The following SGCD variants were observed in gnomAD, a reference collection of about 807,000 sequenced individuals.
SGCD encodes the protein delta-sarcoglycan.
Under a neutral mutation model 36.6 loss-of-function variants are expected in SGCD, and 18 were observed. The observed-to-expected ratio is 0.49, with a 90% CI of 0.34 to 0.73. SGCD has a LOEUF of 0.73. Among genes scored for constraint, SGCD ranks in the 30% least tolerant of loss-of-function variants. The pLI is 0.01. For synonymous variants in SGCD, 133 were observed against 130.6 expected (o/e 1.02, Z -0.12); for missense variants, 387 against 346.7 (o/e 1.12, Z -0.92).
chr5:156,450,498 C>T (rs1753959233), intron 3 of SGCD, among the ~76,000 whole-genome samples: 1 of 146,362 alleles, frequency 6.8e-6, no homozygotes, highest in Admixed American at 6.8e-5. Flanking sequence ...GTAAATAAAC[C>T]AGAACAAGAA....
At chr5:155,774,707 A>G in the SGCD span, among the ~76,000 whole-genome samples, 4 of 152,062 alleles carry the variant, frequency 2.6e-5, no homozygotes, top group Non-Finnish European at 5.9e-5. Context: ...CCCCTGTGAT[A>G]GGCACTCTTG....
chr5:155,968,130 A>C (rs1310729911), intron 1 of SGCD, among the ~76,000 whole-genome samples: 2 of 152,102 alleles, frequency 1.3e-5, no homozygotes, highest in Non-Finnish European at 2.9e-5. Context: ...TCACTTTCTC[A>C]GAATTAAGCA....
At chr5:156,294,259 T>C (rs1323221597) in intron 3 of SGCD, among the ~76,000 whole-genome samples, 1 of 152,166 alleles carries the variant, frequency 6.6e-6, no homozygotes, top group Non-Finnish European at 1.5e-5. Flanking sequence ...TTTCTACATA[T>C]AAATTATATT....
At chr5:156,194,414 T>A (rs900701009) in intron 3 of SGCD, among the ~76,000 whole-genome samples, 1 of 152,002 alleles carries the variant, frequency 6.6e-6, no homozygotes, top group African/African-American at 2.4e-5. Context: ...GAAAAAATAC[T>A]GTGTAAAAAG....
intron 3 of SGCD, among the ~76,000 whole-genome samples, chr5:156,209,423 T>A (rs1410803575): frequency 6.6e-6 from 1 of 152,150 alleles, no homozygotes; most frequent in East Asian, 1.9e-4. Context: ...TACTCTAGGT[T>A]ACAGATCAGG....
At chr5:155,923,067 T>A (rs1176521043) in intron 1 of SGCD, among the ~76,000 whole-genome samples, 2 of 152,154 alleles carry the variant, frequency 1.3e-5, no homozygotes, top group African/African-American at 4.8e-5. Context: ...ACAGCATATA[T>A]CCTTGATATG....
chr5:156,030,357 A>G (rs1759319078), intron 1 of SGCD, among the ~76,000 whole-genome samples: 1 of 152,168 alleles, frequency 6.6e-6, no homozygotes, highest in Non-Finnish European at 1.5e-5. Context: ...TGGCTTAATA[A>G]TGTTCTTATA....
chr5:155,730,445 CTGTGTGTGTGTGTGTG>C, the SGCD span, among the ~76,000 whole-genome samples: 1 of 137,196 alleles, frequency 7.3e-6, no homozygotes, highest in African/African-American at 2.8e-5. Flanking sequence ...GGTAGAGCAG[CTGTGTGTGTGTGTGTG>C]TGTGTGTGTG....
chr5:156,263,346 C>A (rs911617649), intron 3 of SGCD, among the ~76,000 whole-genome samples: 1 of 151,952 alleles, frequency 6.6e-6, no homozygotes, highest in African/African-American at 2.4e-5. Context: ...TTTCTCTGAT[C>A]ATTAGTGATA....
the SGCD span, among the ~76,000 whole-genome samples, chr5:155,807,140 A>G: frequency 2.2e-4 from 33 of 152,342 alleles, no homozygotes; most frequent in East Asian, 5.8e-3. Flanking sequence ...ACCAAGATTT[A>G]TAGGTTGACT....
intron 3 of SGCD, among the ~76,000 whole-genome samples, chr5:156,245,842 T>C (rs971183488): frequency 1.3e-5 from 2 of 152,140 alleles, no homozygotes; most frequent in African/African-American, 4.8e-5. Context: ...AATGCAAATG[T>C]GTGCATTACA....
intron 1 of SGCD, among the ~76,000 whole-genome samples, chr5:155,973,092 G>T (rs748341983): frequency 2.6e-5 from 4 of 151,948 alleles, no homozygotes; most frequent in Admixed American, 6.6e-5. Flanking sequence ...TGGCTTTACC[G>T]CAAGGCAAAG....
intron 3 of SGCD, among the ~76,000 whole-genome samples, chr5:156,271,049 A>G (rs1766163055): frequency 6.6e-6 from 1 of 152,224 alleles, no homozygotes; most frequent in East Asian, 1.9e-4. Context: ...GCTTAAGTAA[A>G]ATAAGGAGTT....
chr5:156,022,144 C>G (rs2127573563), intron 1 of SGCD, among the ~76,000 whole-genome samples: 2 of 152,282 alleles, frequency 1.3e-5, no homozygotes, highest in East Asian at 3.9e-4. Context: ...ACTTTTGTGT[C>G]TGGCTTATTT....
intron 1 of SGCD, among the ~76,000 whole-genome samples, chr5:156,070,372 G>A (rs1410959551): frequency 6.6e-6 from 1 of 150,668 alleles, no homozygotes; most frequent in Non-Finnish European, 1.5e-5. Flanking sequence ...GGCCTTTTCT[G>A]CATCTATTGA....
At chr5:156,167,564 C>G (rs1763242814) in intron 3 of SGCD, among the ~76,000 whole-genome samples, 2 of 152,102 alleles carry the variant, frequency 1.3e-5, no homozygotes, top group Non-Finnish European at 2.9e-5. Flanking sequence ...GGGTGAATCC[C>G]TCATGAATGC....
chr5:156,080,508 A>G (rs1760922658), intron 1 of SGCD, among the ~76,000 whole-genome samples: 1 of 152,224 alleles, frequency 6.6e-6, no homozygotes, highest in African/African-American at 2.4e-5. Context: ...GTTTAAATGT[A>G]AAGTCTAACT....
intron 3 of SGCD, among the ~76,000 whole-genome samples, chr5:156,505,369 T>C (rs998069123): frequency 6.6e-6 from 1 of 152,234 alleles, no homozygotes; most frequent in African/African-American, 2.4e-5. Flanking sequence ...ATCCACAGGC[T>C]GAAGTGCATT....
At chr5:156,746,729 T>G (rs973273255) in intron 7 of SGCD, among the ~76,000 whole-genome samples, 6 of 152,188 alleles carry the variant, frequency 3.9e-5, no homozygotes, top group African/African-American at 1.4e-4. Flanking sequence ...GATCATAAAT[T>G]TAAGCATAAA....
Sources: gnomAD v4.1 joint callset for allele counts (sites outside exome capture counted in the v4.1 genomes callset) on GRCh38, gnomAD v4.1.1 for gene constraint, MANE v1.5 for transcripts, NCBI Gene and HGNC (gene_info 2026-07-23, HGNC 2026-07-21) for gene names.